Variants in KNL1 observed in about 807,000 individuals in gnomAD.
KNL1 encodes outer kinetochore KNL1 complex subunit KNL1.
Under a neutral mutation model 201.3 loss-of-function variants are expected in KNL1, and 66 were observed. The ratio of observed to expected loss-of-function variants is 0.33; its 90% confidence interval spans 0.27 to 0.40. The LOEUF (loss-of-function observed/expected upper bound fraction) is 0.40. Among genes scored for constraint, KNL1 ranks in the 10% least tolerant of loss-of-function variants. The pLI, the probability that KNL1 is intolerant of heterozygous loss-of-function variation, is 1.00. For missense variants in KNL1, 2,815 were observed against 2,690.5 expected, an observed-to-expected ratio of 1.05 and a Z score of -1.02; for synonymous variants, 895 against 899.2, an observed-to-expected ratio of 1.00 and a Z score of 0.08.
chr15:40,596,015 A>G (rs1299926980), intron 1 of KNL1, among the ~76,000 whole-genome samples: 1 of 151,904 alleles, frequency 6.6e-6, no homozygotes, highest in African/African-American at 2.4e-5. Flanking sequence ...GTTTTCTACA[A>G]TCCATTAAAA....
intron 8 of KNL1, among the ~76,000 whole-genome samples, chr15:40,616,923 G>C (rs556452579): frequency 1.3e-5 from 2 of 152,108 alleles, no homozygotes; most frequent in South Asian, 4.2e-4. Context: ...CTCTTTTTCT[G>C]CCTATATGCA....
rs779439457 is a variant in KNL1 at position 40,620,745 on chromosome 15, A to G, written c.481A>G (p.Ile161Val). 1 of 1,613,138 alleles carries G rather than the reference A, an allele frequency of 6.2e-7. No homozygotes were observed. Among genetic ancestry groups the G allele is most frequent in the Non-Finnish European group, 8.5e-7 (1 of 1,179,532 alleles). The change falls in exon 10 of 26, where the codon ATT (isoleucine) becomes GTT (valine). Residue 161 changes from isoleucine (I) to valine (V), a missense_variant. By Grantham distance (29) the Ile-to-Val change is conservative. Transcript: ENST00000399668. Reference sequence around the variant, plus strand: ...CCTGACATCAAGTCACACTGTAATGATTACCAAAGGCCTTTTAGATAATCC... The same window carrying G: ...CCTGACATCAAGTCACACTGTAATGGTTACCAAAGGCCTTTTAGATAATCC... ...MDLTSSHTVM[I>V]TKGLLDNPIS... is the part of the protein sequence containing the mutation.
At chr15:40,645,856 TAGA>T in intron 16 of KNL1, 84 bp downstream of exon 16, 1 of 717,862 alleles carries the variant, frequency 1.4e-6, no homozygotes, top group Non-Finnish European at 2.1e-6. Flanking sequence ...GAATCTTCCT[TAGA>T]AGACATGTGA....
At position 40,664,033 on chromosome 15, in the gene KNL1, A is replaced by G. The variant is rs1403301119; in HGVS notation, c.*1845A>G. ...AAAACATTTTAAAGTCATCAATATG[A>G]TCTGTTTCCCATGAAACTTAAGTTA... On this transcript the variant is annotated 3_prime_UTR_variant, in exon 26 of 26. Transcript: ENST00000399668. The G allele has an allele frequency of 5.4e-6, 1 of 184,886 alleles. No individual in the cohort carries two copies. The highest frequency in any genetic ancestry group is 1.1e-5 in the Non-Finnish European group (1 of 87,284). The allele number at this position is 184,886 out of a possible 1,614,324, so 11.5% of individuals were successfully genotyped here. A position where few individuals can be genotyped will look rare whatever the true frequency, so the allele number is the denominator to read the frequency against.
intron 22 of KNL1, 72 bp downstream of exon 22, chr15:40,655,049 G>T (rs1306434445): frequency 8.2e-7 from 1 of 1,212,744 alleles, no homozygotes; most frequent in African/African-American, 1.5e-5. Flanking sequence ...TTTAATCCCA[G>T]CACTTTGGGA....
At chr15:40,625,810 T>G in intron 10 of KNL1, 170 bp downstream of exon 10, 1 of 564,680 alleles carries the variant, frequency 1.8e-6, no homozygotes, top group Non-Finnish European at 3.1e-6. Flanking sequence ...AGAAATTAAT[T>G]GACTAACAGC....
Position 40,629,289 on chromosome 15 carries a change from G to C in KNL1, c.5600G>C (p.Arg1867Thr). ...ESLREKLQDG[R>T]ITIREFFILL... is the part of the protein sequence containing the mutation. ...TTTTCTCAGAAACTCCAAGATGGGAGAATAACAATAAGGGAGTTCTTTATA... is the reference window on the plus strand; with the variant it reads ...TTTTCTCAGAAACTCCAAGATGGGACAATAACAATAAGGGAGTTCTTTATA... Residue 1867 changes from arginine (R) to threonine (T), a missense_variant, in exon 13 of 26, where the codon AGA becomes ACA. This residue lies in a region of KNL1 where 2,464 missense variants were observed against 2,291.7 expected (regional missense o/e 1.08). Transcript: ENST00000399668. 6.3e-7 allele frequency: 1 copy of C among 1,584,362 alleles called. No homozygotes were observed. Among genetic ancestry groups the C allele is most frequent in the African/African-American group, 1.4e-5 (1 of 72,824 alleles).
chr15:40,598,612 G>C (rs776089750), intron 1 of KNL1, among the ~76,000 whole-genome samples: 2 of 152,034 alleles, frequency 1.3e-5, no homozygotes, highest in Non-Finnish European at 2.9e-5. Flanking sequence ...AAATGAGTGG[G>C]TTGGGGATAT....
intron 1 of KNL1, among the ~76,000 whole-genome samples, chr15:40,594,613 T>C (rs575191805): frequency 1.3e-5 from 2 of 152,260 alleles, no homozygotes; most frequent in African/African-American, 4.8e-5. Flanking sequence ...CCCTAACACT[T>C]CTCCGCCTGC....
chr15:40,656,189 G>A (rs1242928883), intron 22 of KNL1, among the ~76,000 whole-genome samples: 3 of 152,128 alleles, frequency 2.0e-5, no homozygotes, highest in Non-Finnish European at 2.9e-5. Flanking sequence ...CCAGCACTTT[G>A]GGAGACCAAG....
intron 5 of KNL1, among the ~76,000 whole-genome samples, chr15:40,609,618 T>C (rs1232497375): frequency 6.6e-6 from 1 of 152,164 alleles, no homozygotes; most frequent in Non-Finnish European, 1.5e-5. Flanking sequence ...ATAATGTTTA[T>C]AATCACTGTT....
At chr15:40,652,757 T>C (rs1337216027) in intron 21 of KNL1, among the ~76,000 whole-genome samples, 1 of 58,822 alleles carries the variant, frequency 1.7e-5, no homozygotes, top group Non-Finnish European at 4.2e-5. Context: ...AGCAAAACTG[T>C]CTCAAAAAAA....
In KNL1 at chr15:40,623,929, A is replaced by G; in HGVS notation, c.3665A>G (p.Lys1222Arg). The G allele has an allele frequency of 6.2e-7, 1 of 1,613,462 alleles. No homozygotes were observed. Among genetic ancestry groups the G allele is most frequent in the Non-Finnish European group, 8.5e-7 (1 of 1,179,932 alleles). ...AEKQALAVGN[K>R]IVLHTEQKQQ... ...AAACAAGCACTGGCTGTAGGAAACAAAATAGTTCTTCACACCGAGCAAAAG... is the reference window on the plus strand; with the variant it reads ...AAACAAGCACTGGCTGTAGGAAACAGAATAGTTCTTCACACCGAGCAAAAG... The change falls in exon 10 of 26, where the codon AAA (lysine) becomes AGA (arginine). Residue 1222 changes from lysine (K) to arginine (R), a missense_variant. Transcript: ENST00000399668.
Position 40,623,712 on chromosome 15 carries a change from C to G in KNL1, c.3448C>G (p.Pro1150Ala), listed in dbSNP as rs1567009361. ...TLLPNEIAIR[P>A]MDKTVLFTDN... ...CCTGCCAAATGAAATAGCTATTAGG[C>G]CCATGGACAAAACCGTATTGTTCAC... is the stretch of plus-strand genomic sequence containing the variant. Residue 1150 changes from proline (P) to alanine (A), a missense_variant, in exon 10 of 26, where the codon CCC becomes GCC. Pro to Ala is a conservative substitution (Grantham distance 27). This residue lies in a region of KNL1 where 2,464 missense variants were observed against 2,291.7 expected (regional missense o/e 1.08). Transcript: ENST00000399668. 1 of 1,613,890 alleles carries G rather than the reference C, an allele frequency of 6.2e-7. No individual in the cohort carries two copies. Among genetic ancestry groups the G allele is most frequent in the East Asian group, 2.2e-5 (1 of 44,872 alleles).
chr15:40,656,259 T>A (rs1442988785), intron 22 of KNL1, among the ~76,000 whole-genome samples: 3 of 151,534 alleles, frequency 2.0e-5, no homozygotes, highest in African/African-American at 7.3e-5. Flanking sequence ...AGTGAAACCC[T>A]GTCTCTACTA....
chr15:40,638,187 C>G (rs923500317), intron 13 of KNL1, among the ~76,000 whole-genome samples: 2 of 130,550 alleles, frequency 1.5e-5, no homozygotes, highest in African/African-American at 5.9e-5. Flanking sequence ...GACTCTATCT[C>G]AAAAGAAAGA....
At chr15:40,596,582 T>G (rs1217500699) in intron 1 of KNL1, among the ~76,000 whole-genome samples, 1 of 152,076 alleles carries the variant, frequency 6.6e-6, no homozygotes, top group Non-Finnish European at 1.5e-5. Context: ...GGCCAAAATT[T>G]TATTATTAAA....
rs71426393 is a variant in KNL1 at position 40,637,368 on chromosome 15, GT to G, written c.5683-3532del. On this transcript the variant is annotated intron_variant, in intron 13 of 25. Transcript: ENST00000399668. ...ATATAGGCTTGATTAGATTAACAGC[GT>G]TTTTTTTTTTTAAGTTTACTTTACC... 5.3e-3 allele frequency among the ~76,000 whole-genome samples: 727 copies of G among 138,398 alleles called. 3 individuals are homozygous for G. The highest frequency in any genetic ancestry group is 0.015 in the African/African-American group (538 of 36,490). The allele number at this position is 138,398 out of a possible 152,430, so 90.8% of individuals were successfully genotyped here.
intron 16 of KNL1, among the ~76,000 whole-genome samples, chr15:40,646,094 A>G (rs1893375440): frequency 1.3e-5 from 2 of 152,214 alleles, no homozygotes; most frequent in Non-Finnish European, 2.9e-5. Flanking sequence ...AGTCCATACT[A>G]AGCTGTATAT....
Sources: allele counts gnomAD v4.1 joint callset (sites outside exome capture counted in the v4.1 genomes callset), GRCh38; gene constraint gnomAD v4.1.1; regional missense constraint gnomAD v4.1.1; transcripts MANE v1.5; gene names NCBI Gene and HGNC (gene_info 2026-07-23, HGNC 2026-07-21).